MYLK4: variants seen among roughly 807,000 people sequenced by gnomAD.
MYLK4 encodes myosin light chain kinase family member 4.
In MYLK4, 46 loss-of-function variants were observed where a neutral mutation model predicts 48.1. The ratio of observed to expected loss-of-function variants is 0.96; its 90% CI spans 0.75 to 1.22. MYLK4 has a LOEUF of 1.22. Among genes scored for constraint, MYLK4 ranks in the 50% most tolerant of loss-of-function variants. MYLK4 has a pLI of 0.00. For synonymous variants in MYLK4, 170 were observed against 180.8 expected, an observed-to-expected ratio of 0.94 and a Z score of 0.48; for missense variants, 451 against 486.1, an observed-to-expected ratio of 0.93 and a Z score of 0.68.
chr6:2,683,523 G>A (rs1262993767), intron 6 of MYLK4, among the ~76,000 whole-genome samples: 1 of 151,794 alleles, frequency 6.6e-6, no homozygotes, highest in Non-Finnish European at 1.5e-5. Flanking sequence ...AGATTCAAGC[G>A]ATTCTCATGC....
chr6:2,709,648 A>G (rs966450188), intron 2 of MYLK4, among the ~76,000 whole-genome samples: 1 of 152,218 alleles, frequency 6.6e-6, no homozygotes, highest in Admixed American at 6.5e-5. Flanking sequence ...TTGGCAACCT[A>G]TGTGATTCCA....
At chr6:2,690,251 CG>C (rs1761725584) in intron 3 of MYLK4, among the ~76,000 whole-genome samples, 1 of 152,186 alleles carries the variant, frequency 6.6e-6, no homozygotes. Flanking sequence ...TCTTCTGACA[CG>C]TGTGTTCTTC....
At chr6:2,670,293 G>A (rs1027825577) in intron 12 of MYLK4, among the ~76,000 whole-genome samples, 5 of 152,190 alleles carry the variant, frequency 3.3e-5, no homozygotes, top group African/African-American at 1.2e-4. Context: ...TTGAACCTGG[G>A]AGGTGGGGGT....
chr6:2,669,306 T>C (rs1760787303), intron 12 of MYLK4, among the ~76,000 whole-genome samples: 2 of 152,244 alleles, frequency 1.3e-5, no homozygotes, highest in South Asian at 4.1e-4. Flanking sequence ...CAAATGCTGC[T>C]GTCTGCGTCC....
intron 2 of MYLK4, among the ~76,000 whole-genome samples, chr6:2,737,227 C>T (rs976997229): frequency 3.9e-5 from 6 of 152,196 alleles, no homozygotes; most frequent in African/African-American, 4.8e-5. Context: ...GCAGGAGAAT[C>T]GCTTGAACCC....
At chr6:2,705,920 A>G (rs762477885) in intron 2 of MYLK4, among the ~76,000 whole-genome samples, 275 of 16,292 alleles carry the variant, frequency 0.017, 2 homozygotes, top group African/African-American at 0.037. Context: ...AATTCGGGGG[A>G]AAAAAAAAAA....
intron 2 of MYLK4, among the ~76,000 whole-genome samples, chr6:2,719,875 C>T (rs1367781178): frequency 6.6e-6 from 1 of 152,228 alleles, no homozygotes; most frequent in African/African-American, 2.4e-5. Context: ...TGGTGGCTCA[C>T]ACCTGTAATC....
the MYLK4 span, among the ~76,000 whole-genome samples, chr6:2,766,697 A>G: frequency 6.6e-6 from 1 of 152,178 alleles, no homozygotes; most frequent in South Asian, 2.1e-4. Flanking sequence ...CTGTGAATCC[A>G]TAGTTTTACA....
intron 7 of MYLK4, among the ~76,000 whole-genome samples, chr6:2,682,037 C>CAAAAGTGAATGGG (rs1270715066): frequency 6.6e-6 from 1 of 152,092 alleles, no homozygotes; most frequent in Non-Finnish European, 1.5e-5. Context: ...TCCTCCTGCT[C>CAAAAGTGAATGGG]AAAAGTGAAT....
At chr6:2,764,358 G>A in the MYLK4 span, among the ~76,000 whole-genome samples, 2 of 152,160 alleles carry the variant, frequency 1.3e-5, no homozygotes, top group Non-Finnish European at 2.9e-5. Flanking sequence ...GTTCAAGGCT[G>A]TGAGCTCTGG....
chr6:2,711,613 A>G (rs1039379680), intron 2 of MYLK4, among the ~76,000 whole-genome samples: 1 of 152,186 alleles, frequency 6.6e-6, no homozygotes, highest in African/African-American at 2.4e-5. Context: ...GAGCTTTGCT[A>G]TGGGGTGTCA....
intron 2 of MYLK4, among the ~76,000 whole-genome samples, chr6:2,710,288 G>A (rs1212845897): frequency 5.9e-5 from 9 of 152,148 alleles, no homozygotes; most frequent in Non-Finnish European, 8.8e-5. Flanking sequence ...TTAGGAGATT[G>A]AAATAGGCCC....
intron 10 of MYLK4, among the ~76,000 whole-genome samples, chr6:2,677,909 T>G (rs1436607899): frequency 1.3e-5 from 2 of 152,118 alleles, no homozygotes; most frequent in Non-Finnish European, 2.9e-5. Context: ...TTAGTAGAGG[T>G]GAAAGGAATC....
chr6:2,695,882 G>A (rs923475505), intron 2 of MYLK4, among the ~76,000 whole-genome samples: 10 of 152,164 alleles, frequency 6.6e-5, no homozygotes, highest in African/African-American at 1.4e-4. Context: ...GTCTTCTACC[G>A]ATTAAAGAGC....
intron 12 of MYLK4, among the ~76,000 whole-genome samples, chr6:2,670,963 C>T (rs2113080520): frequency 6.6e-6 from 1 of 152,116 alleles, no homozygotes; most frequent in South Asian, 2.1e-4. Flanking sequence ...TACCAGCACC[C>T]CCTGGGCTGG....
chr6:2,696,273 G>T (rs763950800), intron 2 of MYLK4, among the ~76,000 whole-genome samples: 12 of 152,060 alleles, frequency 7.9e-5, no homozygotes, highest in Non-Finnish European at 1.6e-4. Context: ...TCCTTTGGAG[G>T]GTATCAAGGA....
the MYLK4 span, chr6:2,768,975 C>A: frequency 1.6e-6 from 2 of 1,245,062 alleles, no homozygotes; most frequent in Non-Finnish European, 2.2e-6. Context: ...GACTTACGAG[C>A]TTTGTTTACA....
At chr6:2,709,333 T>A (rs1482967756) in intron 2 of MYLK4, among the ~76,000 whole-genome samples, 2 of 152,248 alleles carry the variant, frequency 1.3e-5, no homozygotes, top group Admixed American at 1.3e-4. Context: ...CATATTAGCT[T>A]GCCTTCCCGT....
intron 3 of MYLK4, among the ~76,000 whole-genome samples, chr6:2,689,396 T>C (rs917837027): frequency 6.6e-6 from 1 of 152,256 alleles, no homozygotes; most frequent in Non-Finnish European, 1.5e-5. Flanking sequence ...AAACATTTCT[T>C]CATGTTGTTG....
Sources: gnomAD v4.1 joint callset for allele counts (sites outside exome capture counted in the v4.1 genomes callset) on GRCh38, gnomAD v4.1.1 for gene constraint, MANE v1.5 for transcripts, NCBI Gene and HGNC (gene_info 2026-07-23, HGNC 2026-07-21) for gene names.